CPXM2: variants seen among roughly 807,000 people sequenced by gnomAD.
The protein encoded by CPXM2 is inactive carboxypeptidase-like protein X2.
In CPXM2, 66 loss-of-function variants were observed where a neutral mutation model predicts 86.1. The ratio of observed to expected loss-of-function variants is 0.77; its 90% CI spans 0.63 to 0.94. The LOEUF is 0.94. Among genes scored for constraint, CPXM2 ranks in the 40% least tolerant of loss-of-function variants. The pLI, the probability that CPXM2 is intolerant of heterozygous loss-of-function variation, is 0.00. For synonymous variants in CPXM2, 388 were observed against 400.2 expected (o/e 0.97, Z 0.36); for missense variants, 948 against 1,026.3 (o/e 0.92, Z 1.04).
In CPXM2 at chr10:123,829,347, A is replaced by C. The variant is rs950399708; in HGVS notation, c.653+13002T>G. 1.6e-4 allele frequency among the ~76,000 whole-genome samples: 24 copies of C among 151,700 alleles called. 1 individual carries two copies. The highest frequency in any genetic ancestry group is 1.4e-3 in the Admixed American group (22 of 15,220). ...AAAACTGAATACGCAATGAACAGAC[A>C]AATGTGTATAACCAACGTGGAAAAA... On this transcript the variant is annotated intron_variant, in intron 4 of 13. Transcript: ENST00000241305.
At chr10:123,836,118 C>T (rs1848274450) in intron 4 of CPXM2, among the ~76,000 whole-genome samples, 1 of 152,104 alleles carries the variant, frequency 6.6e-6, no homozygotes, top group Non-Finnish European at 1.5e-5. Flanking sequence ...TCCAGTGTAC[C>T]CTGGAGATCC....
intron 2 of CPXM2, among the ~76,000 whole-genome samples, chr10:123,875,970 C>T (rs899053511): frequency 6.6e-6 from 1 of 151,832 alleles, no homozygotes; most frequent in Non-Finnish European, 1.5e-5. Context: ...GTGCATGCTG[C>T]CACGCCCGGC....
chr10:123,852,829 C>T (rs1418837230), intron 3 of CPXM2, among the ~76,000 whole-genome samples: 1 of 152,206 alleles, frequency 6.6e-6, no homozygotes, highest in African/African-American at 2.4e-5. Context: ...CAGCTGCCAC[C>T]TTCCCAGAGT....
upstream of CPXM2, among the ~76,000 whole-genome samples, chr10:123,940,982 T>C (rs534814469): frequency 2.4e-4 from 37 of 152,084 alleles, no homozygotes; most frequent in African/African-American, 8.2e-4. Flanking sequence ...CCATCCTGGC[T>C]AACACAGTGA....
At chr10:123,799,067 C>T (rs1391394481) in intron 5 of CPXM2, 48 bp downstream of exon 5, 1 of 1,607,730 alleles carries the variant, frequency 6.2e-7, no homozygotes, top group Non-Finnish European at 8.5e-7. Context: ...TTGCAAAACC[C>T]CACCCAGCCA....
At chr10:123,788,878 G>GAAAAAA (rs11461379) in intron 6 of CPXM2, among the ~76,000 whole-genome samples, 1 of 138,862 alleles carries the variant, frequency 7.2e-6, no homozygotes. Context: ...CACCTTGATT[G>GAAAAAA]AAAAAAAAAA....
At chr10:123,926,347 G>A (rs1042369228) in intron 2 of CPXM2, among the ~76,000 whole-genome samples, 1 of 152,198 alleles carries the variant, frequency 6.6e-6, no homozygotes, top group African/African-American at 2.4e-5. Context: ...TCTGTGGCTT[G>A]GATGCTCCTC....
upstream of CPXM2, among the ~76,000 whole-genome samples, chr10:123,892,808 G>A (rs889957386): frequency 1.3e-5 from 2 of 152,298 alleles, no homozygotes; most frequent in Admixed American, 6.5e-5. Flanking sequence ...CAGTTCACTC[G>A]CTGGCTGTGG....
chr10:123,917,062 G>C (rs7097650), intron 2 of CPXM2, among the ~76,000 whole-genome samples: 1 of 151,948 alleles, frequency 6.6e-6, no homozygotes, highest in Non-Finnish European at 1.5e-5. Flanking sequence ...AGGGAAGGCC[G>C]GACCTAGTGT....
chr10:123,847,783 G>T (rs555764111), intron 3 of CPXM2, among the ~76,000 whole-genome samples: 1 of 152,324 alleles, frequency 6.6e-6, no homozygotes, highest in East Asian at 1.9e-4. Flanking sequence ...GGTATCTACA[G>T]AGCATTGACT....
chr10:123,767,543 T>G (rs1219735), intron 9 of CPXM2, among the ~76,000 whole-genome samples: 75,911 of 152,020 alleles, frequency 0.5, 19,480 homozygotes, highest in East Asian at 0.78. Flanking sequence ...TCTGGCTCAC[T>G]ATTTAGCAAT....
intron 2 of CPXM2, among the ~76,000 whole-genome samples, chr10:123,928,352 T>A (rs1013573896): frequency 1.3e-5 from 2 of 152,228 alleles, no homozygotes; most frequent in African/African-American, 4.8e-5. Flanking sequence ...AGATGCAGAT[T>A]TTAAATGACT....
At chr10:123,814,481 T>C (rs1479092689) in intron 4 of CPXM2, among the ~76,000 whole-genome samples, 1 of 152,198 alleles carries the variant, frequency 6.6e-6, no homozygotes. Context: ...TGTGAGTTAA[T>C]ACTTAATAAA....
At chr10:123,817,312 C>T (rs1371993587) in intron 4 of CPXM2, among the ~76,000 whole-genome samples, 2 of 152,136 alleles carry the variant, frequency 1.3e-5, no homozygotes, top group African/African-American at 2.4e-5. Context: ...GAGGCGTCAG[C>T]AGAAGATAGG....
chr10:123,757,477 G>A, intron 11 of CPXM2, 125 bp from the exon 12 acceptor site: 2 of 814,486 alleles, frequency 2.5e-6, no homozygotes, highest in Non-Finnish European at 4.1e-6. Context: ...AGGGAGATAT[G>A]AAGTATCTAC....
chr10:123,938,815 A>G (rs11511762), intron 2 of CPXM2, among the ~76,000 whole-genome samples: 113,201 of 151,996 alleles, frequency 0.74, 42,674 homozygotes, highest in East Asian at 0.98. Context: ...AGAGTCGGTG[A>G]TGGCAGTGGG....
chr10:123,855,720 C>T (rs562962594), intron 3 of CPXM2, among the ~76,000 whole-genome samples: 29 of 152,276 alleles, frequency 1.9e-4, no homozygotes, highest in African/African-American at 6.3e-4. Context: ...AGGCAGCAGC[C>T]GCCTCCAAAT....
Position 123,854,377 on chromosome 10 carries a change from A to ATATATATTATATATATATTATATATATAT in CPXM2, c.513+8236_513+8237insATATATATATAATATATATATAATATATA, listed in dbSNP as rs1554885773. Among the ~76,000 whole-genome samples, 206 of 120,542 alleles carry ATATATATTATATATATATTATATATATAT rather than the reference A, an allele frequency of 1.7e-3. 1 individual carries two copies. The highest frequency in any genetic ancestry group is 6.1e-3 in the African/African-American group (180 of 29,638). 79.1% of individuals were successfully genotyped at this position (120,542 alleles called of 152,430 possible). A position where few individuals can be genotyped will look rare whatever the true frequency, so the allele number is the denominator to read the frequency against. On this transcript the variant is annotated intron_variant, in intron 3 of 13. Coordinates refer to ENST00000241305, the MANE Select transcript of CPXM2 (RefSeq NM_198148.3). ...ATATATAAAAATATATATATATAATATATATATAATATATATATTATATAT... is the reference window on the plus strand; with the variant it reads ...ATATATAAAAATATATATATATAATATATATATTATATATATATTATATATATATTATATATAATATATATATTATATAT...
intron 1 of CPXM2, among the ~76,000 whole-genome samples, chr10:123,884,846 T>C (rs377199755): frequency 2.6e-5 from 4 of 152,354 alleles, no homozygotes; most frequent in African/African-American, 9.6e-5. Context: ...GCCTCAGATC[T>C]GGGCATAAGG....
Sources: gnomAD v4.1 joint callset for allele counts (sites outside exome capture counted in the v4.1 genomes callset) on GRCh38, gnomAD v4.1.1 for gene constraint, MANE v1.5 for transcripts, NCBI Gene and HGNC (gene_info 2026-07-23, HGNC 2026-07-21) for gene names.